Variants in RNGTT observed in about 807,000 individuals in gnomAD.
RNGTT encodes RNA guanylyltransferase and 5'-phosphatase, also known as mRNA-capping enzyme.
A neutral mutation model predicts 79.3 loss-of-function variants in RNGTT; 33 were observed. The observed-to-expected ratio is 0.42, with a 90% CI of 0.32 to 0.56. RNGTT has a LOEUF of 0.56. Among genes scored for constraint, RNGTT ranks in the 20% least tolerant of loss-of-function variants. The pLI is 0.17. For missense variants in RNGTT, 497 were observed against 739.1 expected (o/e 0.67, Z 3.80); for synonymous variants, 222 against 235.9 (o/e 0.94, Z 0.54).
At chr6:88,912,594 G>A (rs1783861362) in intron 4 of RNGTT, among the ~76,000 whole-genome samples, 1 of 151,924 alleles carries the variant, frequency 6.6e-6, no homozygotes, top group South Asian at 2.1e-4. Flanking sequence ...ATAGTGAAAT[G>A]AAAAGTTGTT....
chr6:88,614,433 C>T, intron 14 of RNGTT, 38 bp from the exon 15 acceptor site: 2 of 1,603,442 alleles, frequency 1.2e-6, no homozygotes, highest in South Asian at 2.2e-5. Flanking sequence ...ATTTAAATAA[C>T]TTGAAAGGCT....
At chr6:88,703,370 T>C (rs1034364786) in intron 13 of RNGTT, among the ~76,000 whole-genome samples, 3 of 152,174 alleles carry the variant, frequency 2.0e-5, no homozygotes, top group African/African-American at 7.2e-5. Context: ...TACACAGCCA[T>C]AAAAAGGACA....
intron 14 of RNGTT, among the ~76,000 whole-genome samples, chr6:88,670,252 T>C (rs1774582902): frequency 1.3e-5 from 2 of 152,204 alleles, no homozygotes; most frequent in South Asian, 4.1e-4. Flanking sequence ...TGGAAAATGG[T>C]TCCCAGCATT....
chr6:88,727,771 G>T (rs1776969585), intron 13 of RNGTT, among the ~76,000 whole-genome samples: 1 of 152,134 alleles, frequency 6.6e-6, no homozygotes, highest in African/African-American at 2.4e-5. Context: ...GGACTATAAA[G>T]TCCACTGCTG....
In RNGTT at chr6:88,614,373, T is replaced by C. The variant is rs779269597; in HGVS notation, c.1529A>G (p.Tyr510Cys). The C allele has an allele frequency of 3.1e-6, 5 of 1,613,704 alleles. No homozygotes were observed. The highest frequency in any genetic ancestry group is 1.3e-5 in the African/African-American group (1 of 75,048). The change falls in exon 15 of 16, where the codon TAT (tyrosine) becomes TGT (cysteine). Residue 510 changes from tyrosine to cysteine, a missense_variant. This residue lies in a region of RNGTT where 440 missense variants were observed against 671.5 expected (regional missense o/e 0.66). Transcript: ENST00000369485. ...TTTGCATTCTATAATTTTGTTGTCA[T>C]ACTGTTTCAGCTCTTTTGTCACCTG... ...QIKVTKELKQ[Y>C]DNKIIECKFE...
At position 88,782,618 on chromosome 6, in the gene RNGTT, T is replaced by C. The variant is rs752515778; in HGVS notation, c.1339-12744A>G. ...AATGAACAAAGTGAAAGGTCACCTA[T>C]GAAATGAGAAAAAATAATCTTCAAA... On this transcript the variant is annotated intron_variant, in intron 12 of 15. Transcript: ENST00000369485. Among the ~76,000 whole-genome samples, 5 of 152,032 alleles carry C rather than the reference T, an allele frequency of 3.3e-5. No individual in the cohort carries two copies. The South Asian group carries it at 6.2e-4, about 19-fold the overall frequency.
intron 9 of RNGTT, among the ~76,000 whole-genome samples, chr6:88,853,107 C>CA (rs1461680503): frequency 6.6e-6 from 1 of 152,196 alleles, no homozygotes; most frequent in African/African-American, 2.4e-5. Flanking sequence ...GAAAATATCT[C>CA]AAAGTCTTAC....
At chr6:88,765,029 A>G (rs1234484607) in intron 13 of RNGTT, among the ~76,000 whole-genome samples, 1 of 151,976 alleles carries the variant, frequency 6.6e-6, no homozygotes, top group Non-Finnish European at 1.5e-5. Context: ...CGTCTCTACT[A>G]AAAATACAAA....
At chr6:88,945,643 A>G (rs112529770) in intron 1 of RNGTT, among the ~76,000 whole-genome samples, 1 of 152,132 alleles carries the variant, frequency 6.6e-6, no homozygotes, top group African/African-American at 2.4e-5. Context: ...ATCTATTGCC[A>G]TGGTAGAAAT....
intron 11 of RNGTT, among the ~76,000 whole-genome samples, chr6:88,812,207 T>C (rs1780161801): frequency 6.6e-6 from 1 of 152,224 alleles, no homozygotes; most frequent in African/African-American, 2.4e-5. Flanking sequence ...GCTTTTGCAA[T>C]ACTATTGTTG....
intron 13 of RNGTT, among the ~76,000 whole-genome samples, chr6:88,686,756 A>G (rs1775293088): frequency 6.6e-6 from 1 of 152,140 alleles, no homozygotes; most frequent in Admixed American, 6.6e-5. Context: ...ATACTGGTAT[A>G]TCTGTCTACA....
intron 14 of RNGTT, among the ~76,000 whole-genome samples, chr6:88,667,610 C>T (rs998130926): frequency 1.3e-5 from 2 of 152,114 alleles, no homozygotes; most frequent in Non-Finnish European, 2.9e-5. Flanking sequence ...CCAACACGAA[C>T]TGAGAAAGCT....
At chr6:88,898,321 T>G (rs1445847246) in intron 6 of RNGTT, among the ~76,000 whole-genome samples, 2 of 152,222 alleles carry the variant, frequency 1.3e-5, no homozygotes, top group Non-Finnish European at 2.9e-5. Flanking sequence ...TTTAAGTTAA[T>G]TCTAAACTAT....
intron 8 of RNGTT, among the ~76,000 whole-genome samples, chr6:88,872,987 C>A (rs917498667): frequency 1.3e-5 from 2 of 151,892 alleles, no homozygotes; most frequent in African/African-American, 4.8e-5. Context: ...CTCATACACA[C>A]AACACACAGG....
In RNGTT at chr6:88,611,625, G is replaced by C. The variant is rs1043174855; in HGVS notation, c.*1094C>G. The C allele has an allele frequency of 6.6e-6, 1 of 152,290 alleles. No individual in the cohort carries two copies. Among genetic ancestry groups the C allele is most frequent in the African/African-American group, 2.4e-5 (1 of 41,418 alleles). 9.4% of individuals were successfully genotyped at this position (152,290 alleles called of 1,614,324 possible). ...AGAATAGAATGTAGATAGAATTCTC[G>C]CTTTGAAAATAAATGTCTTGATTTC... On this transcript the variant is annotated 3_prime_UTR_variant, in exon 16 of 16. Transcript: ENST00000369485.
intron 2 of RNGTT, among the ~76,000 whole-genome samples, chr6:88,936,085 AACTTTTAC>A (rs1784656231): frequency 6.6e-6 from 1 of 152,132 alleles, no homozygotes; most frequent in Admixed American, 6.6e-5. Flanking sequence ...GTGCCTGGAT[AACTTTTAC>A]ATTTTTAAAA....
intron 1 of RNGTT, among the ~76,000 whole-genome samples, chr6:88,961,024 G>C (rs553504667): frequency 1.3e-4 from 20 of 152,278 alleles, no homozygotes; most frequent in East Asian, 1.9e-4. Flanking sequence ...ATTAACATTT[G>C]AATCAGTGGG....
At chr6:88,731,069 G>A (rs893234645) in intron 13 of RNGTT, among the ~76,000 whole-genome samples, 2 of 151,854 alleles carry the variant, frequency 1.3e-5, no homozygotes, top group Non-Finnish European at 2.9e-5. Context: ...AAGGGCTCCA[G>A]AAGAATTAAA....
intron 11 of RNGTT, among the ~76,000 whole-genome samples, chr6:88,813,964 TTAAA>T (rs1016650910): frequency 8.5e-5 from 13 of 152,252 alleles, no homozygotes; most frequent in Admixed American, 7.2e-4. Flanking sequence ...CAAATGTGTG[TTAAA>T]TAAATATAAA....
Sources: gnomAD v4.1 joint callset for allele counts (sites outside exome capture counted in the v4.1 genomes callset) on GRCh38, gnomAD v4.1.1 for gene constraint, gnomAD v4.1.1 regional missense constraint, MANE v1.5 for transcripts, NCBI Gene and HGNC (gene_info 2026-07-23, HGNC 2026-07-21) for gene names.